QPCT: variants seen among roughly 807,000 people sequenced by gnomAD.
The protein encoded by QPCT is glutaminyl-peptide cyclotransferase, also known as EC.
In QPCT, 44 loss-of-function variants were observed where a neutral mutation model predicts 43.4. The observed-to-expected ratio is 1.01, with a 90% CI of 0.80 to 1.30. The LOEUF is 1.30. QPCT is among the 50% of genes most tolerant of loss of function. QPCT has a pLI of 0.00. For synonymous variants in QPCT, 168 were observed against 168.4 expected (o/e 1.00, Z 0.02); for missense variants, 526 against 436.5 (o/e 1.21, Z -1.83).
intron 1 of QPCT, among the ~76,000 whole-genome samples, chr2:37,346,572 T>G (rs1355531160): frequency 6.6e-6 from 1 of 152,366 alleles, no homozygotes; most frequent in Non-Finnish European, 1.5e-5. Flanking sequence ...TCTTAAAATA[T>G]TTTAAACCAA....
rs1351657316 is a variant in QPCT, at chr2:37,368,766, T to TA, written c.724-919_724-918insA. 4.7e-4 allele frequency: 215 copies of TA among 461,188 alleles called. 1 individual carries two copies. The highest frequency in any genetic ancestry group is 2.7e-3 in the South Asian group (172 of 63,144). 28.6% of individuals were successfully genotyped at this position (461,188 alleles called of 1,614,324 possible). A position where few individuals can be genotyped will look rare whatever the true frequency, so the allele number is the denominator to read the frequency against. ...TCAGCAGTAGAACAAAGTTATTTAT[T>TA]TATCAGTCCAAATATATGAAGCCAC... On this transcript the variant is annotated intron_variant, in intron 4 of 6. Transcript: ENST00000338415.
chr2:37,361,001 T>A (rs1672849270), intron 3 of QPCT, among the ~76,000 whole-genome samples: 1 of 152,212 alleles, frequency 6.6e-6, no homozygotes, highest in African/African-American at 2.4e-5. Context: ...CTTTTTCCCA[T>A]ATAGCTCATA....
chr2:37,349,648 G>C (rs561922478), intron 1 of QPCT, among the ~76,000 whole-genome samples: 55 of 152,166 alleles, frequency 3.6e-4, no homozygotes, highest in Non-Finnish European at 7.5e-4. Context: ...GGTTGTCATA[G>C]TGACTGCTTG....
At position 37,367,420 on chromosome 2, in the gene QPCT, C is replaced by T; in HGVS notation, c.723+12C>T. ...AACTGCATGGCATGGTTAGTCTGGG[C>T]AATTTCCCTAGCACTGTAGCTGTAG... is the stretch of plus-strand genomic sequence containing the variant. On this transcript the variant is annotated intron_variant, in intron 4 of 6. Coordinates refer to ENST00000338415, the MANE Select transcript of QPCT (RefSeq NM_012413.4). 2 of 1,611,446 alleles carry T rather than the reference C, an allele frequency of 1.2e-6. No individual in the cohort carries two copies. Among genetic ancestry groups the T allele is most frequent in the Non-Finnish European group, 1.7e-6 (2 of 1,178,976 alleles).
chr2:37,368,684 T>C, intron 4 of QPCT: 5 of 471,162 alleles, frequency 1.1e-5, no homozygotes, highest in South Asian at 7.7e-5. Flanking sequence ...CATTCACTTG[T>C]GCCCAAGTGC....
At chr2:37,363,430 C>G (rs1672892908) in intron 3 of QPCT, among the ~76,000 whole-genome samples, 2 of 137,460 alleles carry the variant, frequency 1.5e-5, no homozygotes, top group African/African-American at 5.8e-5. Context: ...TGAGACCAGC[C>G]TGGGCAACAT....
rs769741895 is a variant in QPCT at position 37,344,877 on chromosome 2, T to C, written c.120+26T>C. The C allele has an allele frequency of 7.1e-6, 11 of 1,556,928 alleles. No homozygotes were observed. The African/African-American group carries it at 1.4e-4, about 20-fold the overall frequency. ...GTGAGGGGCTGTTTCTGCGTAGTTG[T>C]ACTTGAGCGGCTCTGGTCCGATGCG... On this transcript the variant is annotated intron_variant, in intron 1 of 6. Coordinates refer to ENST00000338415, the MANE Select transcript of QPCT (RefSeq NM_012413.4).
intron 5 of QPCT, among the ~76,000 whole-genome samples, chr2:37,370,812 C>T (rs1673056950): frequency 6.6e-6 from 1 of 151,962 alleles, no homozygotes; most frequent in Admixed American, 6.6e-5. Flanking sequence ...CCACCCTACC[C>T]AAAACAAAAC....
chr2:37,367,460 G>T (rs1672985351), intron 4 of QPCT, 52 bp downstream of exon 4: 1 of 1,564,112 alleles, frequency 6.4e-7, no homozygotes, highest in Non-Finnish European at 8.7e-7. Flanking sequence ...CGCTTCCAAG[G>T]AAAAGGTTGC....
chr2:37,351,672 G>C (rs997441434), intron 1 of QPCT, among the ~76,000 whole-genome samples: 1 of 151,918 alleles, frequency 6.6e-6, no homozygotes, highest in African/African-American at 2.4e-5. Context: ...ACCTGAGGTT[G>C]GGAGTTTGAG....
intron 1 of QPCT, among the ~76,000 whole-genome samples, chr2:37,349,314 C>G (rs940438026): frequency 6.6e-6 from 1 of 152,204 alleles, no homozygotes; most frequent in Admixed American, 6.5e-5. Flanking sequence ...ATCAATAGGC[C>G]TGGCCTGTCT....
At chr2:37,350,041 T>G (rs1434559562) in intron 1 of QPCT, among the ~76,000 whole-genome samples, 5 of 152,100 alleles carry the variant, frequency 3.3e-5, no homozygotes, top group Admixed American at 3.3e-4. Context: ...GCTGATGTCT[T>G]GTATGAAAGA....
chr2:37,363,999 A>G (rs1672907041), intron 3 of QPCT, among the ~76,000 whole-genome samples: 1 of 152,210 alleles, frequency 6.6e-6, no homozygotes, highest in South Asian at 2.1e-4. Context: ...AATTCCAGTT[A>G]GGTCATATAA....
chr2:37,359,600 G>C lies in QPCT; in HGVS notation c.288G>C (p.Gln96His). ...ATCAGCACATCATGCAGCGAATTCA[G>C]AGGCTTCAGGCTGACTGGGTCTTGG... is the stretch of plus-strand genomic sequence containing the variant. ...AARQHIMQRIQRLQADWVLEI... is the reference protein window; with the variant it reads ...AARQHIMQRIHRLQADWVLEI... Residue 96 changes from glutamine to histidine, a missense_variant, in exon 3 of 7, where the codon CAG becomes CAC. Physicochemically the swap from Gln to His is conservative, Grantham distance 24. Transcript: ENST00000338415. The C allele has an allele frequency of 6.2e-7, 1 of 1,613,962 alleles. No individual in the cohort carries two copies. Among genetic ancestry groups the C allele is most frequent in the Non-Finnish European group, 8.5e-7 (1 of 1,179,908 alleles).
chr2:37,362,043 A>T (rs1056800770), intron 3 of QPCT, among the ~76,000 whole-genome samples: 3 of 152,240 alleles, frequency 2.0e-5, no homozygotes, highest in Non-Finnish European at 4.4e-5. Flanking sequence ...TGTCCACAAC[A>T]GTTTATTGCT....
chr2:37,350,234 G>C (rs562734143), intron 1 of QPCT, among the ~76,000 whole-genome samples: 55 of 152,308 alleles, frequency 3.6e-4, no homozygotes, highest in African/African-American at 1.3e-3. Context: ...CAGAGTGACC[G>C]AAGCATGGTG....
At chr2:37,372,298 T>A in intron 5 of QPCT, 58 bp from the exon 6 acceptor site, 1 of 1,208,048 alleles carries the variant, frequency 8.3e-7, no homozygotes, top group East Asian at 2.3e-5. Flanking sequence ...AAGGATACAT[T>A]ATGAGTCTTG....
At chr2:37,346,203 A>T (rs886725003) in intron 1 of QPCT, among the ~76,000 whole-genome samples, 9 of 152,380 alleles carry the variant, frequency 5.9e-5, no homozygotes, top group Admixed American at 5.9e-4. Context: ...GGGTCACAGC[A>T]GGCCCCACTT....
intron 3 of QPCT, among the ~76,000 whole-genome samples, chr2:37,360,794 C>T (rs889953772): frequency 2.6e-5 from 4 of 152,154 alleles, no homozygotes; most frequent in Admixed American, 6.6e-5. Context: ...TCTGAGCCTT[C>T]TACAATCCCT....
Sources: allele counts gnomAD v4.1 joint callset (sites outside exome capture counted in the v4.1 genomes callset), GRCh38; gene constraint gnomAD v4.1.1; transcripts MANE v1.5; gene names NCBI Gene and HGNC (gene_info 2026-07-23, HGNC 2026-07-21).